Variants in CPED1 observed in about 807,000 individuals in gnomAD.
The protein encoded by CPED1 is cadherin like and PC-esterase domain containing 1.
A neutral mutation model predicts 128.2 loss-of-function variants in CPED1; 114 were observed. The observed-to-expected ratio is 0.89, with a 90% CI of 0.76 to 1.04. CPED1 has a LOEUF of 1.04. Among genes scored for constraint, CPED1 ranks in the 50% least tolerant of loss-of-function variants. The pLI, the probability that CPED1 is intolerant of heterozygous loss-of-function variation, is 0.00. For missense variants in CPED1, 1,211 were observed against 1,207.1 expected (o/e 1.00, Z -0.05); for synonymous variants, 462 against 426.7 (o/e 1.08, Z -1.02).
intron 3 of CPED1, among the ~76,000 whole-genome samples, chr7:121,032,727 G>A (rs1327664121): frequency 5.5e-4 from 81 of 146,480 alleles, no homozygotes; most frequent in Non-Finnish European, 9.7e-4. Context: ...AGAAAAAAAG[G>A]AAAAAAAAAA....
At chr7:121,162,169 G>A (rs1044942262) in intron 16 of CPED1, among the ~76,000 whole-genome samples, 1 of 152,180 alleles carries the variant, frequency 6.6e-6, no homozygotes, top group Non-Finnish European at 1.5e-5. Flanking sequence ...CCAAGTGTAG[G>A]CAATAGGAAC....
At chr7:121,018,974 A>T (rs1219656308) in intron 3 of CPED1, among the ~76,000 whole-genome samples, 2 of 152,036 alleles carry the variant, frequency 1.3e-5, no homozygotes, top group Admixed American at 1.3e-4. Flanking sequence ...GAGTAACATA[A>T]TAGGATAAAA....
At chr7:121,291,848 G>T (rs1414056283) in intron 22 of CPED1, among the ~76,000 whole-genome samples, 1 of 152,206 alleles carries the variant, frequency 6.6e-6, no homozygotes, top group Non-Finnish European at 1.5e-5. Flanking sequence ...TTGAATAAGA[G>T]CAGTGAGAGA....
intron 4 of CPED1, among the ~76,000 whole-genome samples, chr7:121,049,392 C>A (rs1490689595): frequency 1.3e-5 from 2 of 152,182 alleles, no homozygotes; most frequent in East Asian, 1.9e-4. Context: ...ATATCACAGA[C>A]CTGCAGAGAG....
At chr7:121,035,097 G>T (rs1035078848) in intron 3 of CPED1, among the ~76,000 whole-genome samples, 20 of 152,034 alleles carry the variant, frequency 1.3e-4, no homozygotes, top group Admixed American at 1.2e-3. Context: ...GAGTTTCAGG[G>T]ACCAAAAAAA....
chr7:121,020,824 CA>C (rs1306506130), intron 3 of CPED1, among the ~76,000 whole-genome samples: 5 of 151,856 alleles, frequency 3.3e-5, no homozygotes, highest in African/African-American at 1.2e-4. Context: ...TAACTTCCCA[CA>C]TGCTCAAATG....
At chr7:121,105,088 A>T (rs1794941494) in intron 7 of CPED1, among the ~76,000 whole-genome samples, 1 of 152,094 alleles carries the variant, frequency 6.6e-6, no homozygotes, top group African/African-American at 2.4e-5. Flanking sequence ...TTCCATCTCC[A>T]GTGCTTGCAG....
In CPED1 at chr7:121,127,052, C is replaced by T. The variant is rs369972683; in HGVS notation, c.1135-38C>T. On this transcript the variant is annotated intron_variant, in intron 9 of 22. Transcript: ENST00000310396. Reference sequence around the variant, plus strand: ...TAATTCCATTGTCTTAAAAGTAAATCGATGAAAAATATTTGCTGTGCTTTT... The same window carrying T: ...TAATTCCATTGTCTTAAAAGTAAATTGATGAAAAATATTTGCTGTGCTTTT... 90 of 1,430,372 alleles carry T rather than the reference C, an allele frequency of 6.3e-5. 1 individual carries two copies. In the South Asian group the frequency reaches 7.0e-4, roughly 11 times the overall value. The allele number at this position is 1,430,372 out of a possible 1,614,324, so 88.6% of individuals were successfully genotyped here. A position where few individuals can be genotyped will look rare whatever the true frequency, so the allele number is the denominator to read the frequency against.
At chr7:121,100,886 A>T (rs1222591221) in intron 7 of CPED1, among the ~76,000 whole-genome samples, 1 of 152,166 alleles carries the variant, frequency 6.6e-6, no homozygotes, top group Non-Finnish European at 1.5e-5. Context: ...CCACCTCAAG[A>T]AGAAGGCATG....
chr7:121,277,584 C>T (rs909751206), intron 22 of CPED1, among the ~76,000 whole-genome samples: 3 of 152,036 alleles, frequency 2.0e-5, no homozygotes, highest in Non-Finnish European at 4.4e-5. Context: ...CCTCTTCTTT[C>T]CCATCTTAAT....
chr7:121,099,807 C>CA (rs1794798521), intron 6 of CPED1, 119 bp from the exon 7 acceptor site: 1 of 1,000,526 alleles, frequency 1.0e-6, no homozygotes, highest in South Asian at 1.7e-5. Flanking sequence ...GAAACCCACA[C>CA]ACTGAGGGCT....
At chr7:121,246,853 A>C (rs1798551518) in intron 18 of CPED1, among the ~76,000 whole-genome samples, 1 of 152,204 alleles carries the variant, frequency 6.6e-6, no homozygotes, top group African/African-American at 2.4e-5. Flanking sequence ...TCAGAAGACC[A>C]GTTAGCTTGC....
chr7:121,055,984 T>C (rs1406906209), intron 4 of CPED1, among the ~76,000 whole-genome samples: 1 of 152,086 alleles, frequency 6.6e-6, no homozygotes, highest in Non-Finnish European at 1.5e-5. Flanking sequence ...ACAATTATTA[T>C]GATAATAGTG....
Position 121,054,647 on chromosome 7 carries a change from C to G in CPED1, c.540+7654C>G, listed in dbSNP as rs1029093343. 5.4e-5 allele frequency among the ~76,000 whole-genome samples: 8 copies of G among 147,080 alleles called. No homozygotes were observed. The South Asian group carries it at 1.8e-3, about 34-fold the overall frequency. ...TATTTGAGTCCCCAACCTCCACCCC[C>G]ACTGCAAATCAGGGTTGAGGTTTTT... On this transcript the variant is annotated intron_variant, in intron 4 of 22. Coordinates refer to ENST00000310396, the MANE Select transcript of CPED1 (RefSeq NM_024913.5).
chr7:121,125,760 T>C (rs1795487981), intron 8 of CPED1, 60 bp from the exon 9 acceptor site: 2 of 1,247,824 alleles, frequency 1.6e-6, no homozygotes, highest in Non-Finnish European at 2.3e-6. Flanking sequence ...AAATAGTGCA[T>C]TAATAAACAT....
At chr7:121,279,015 C>G (rs756988402) in intron 22 of CPED1, among the ~76,000 whole-genome samples, 3 of 152,056 alleles carry the variant, frequency 2.0e-5, no homozygotes, top group Non-Finnish European at 2.9e-5. Flanking sequence ...CTTTAAGAAC[C>G]AAGCTAAGCC....
chr7:121,102,607 G>A (rs1022498785), intron 7 of CPED1, among the ~76,000 whole-genome samples: 8 of 152,170 alleles, frequency 5.3e-5, no homozygotes, highest in Non-Finnish European at 8.8e-5. Flanking sequence ...AATGCCACAT[G>A]TGACCAGTAA....
chr7:121,272,045 C>A (rs905451270), intron 22 of CPED1, among the ~76,000 whole-genome samples: 2 of 152,072 alleles, frequency 1.3e-5, no homozygotes, highest in Admixed American at 1.3e-4. Flanking sequence ...TTGGTCAGGA[C>A]CCATAAGTTT....
intron 17 of CPED1, among the ~76,000 whole-genome samples, chr7:121,237,399 G>T (rs1339251377): frequency 1.3e-5 from 2 of 152,062 alleles, no homozygotes. Context: ...AAGTTAGGGG[G>T]CATGATCACT....
Sources: gnomAD v4.1 joint callset for allele counts (sites outside exome capture counted in the v4.1 genomes callset) on GRCh38, gnomAD v4.1.1 for gene constraint, MANE v1.5 for transcripts, NCBI Gene and HGNC (gene_info 2026-07-23, HGNC 2026-07-21) for gene names.